Variants in ADCY2 observed in about 807,000 individuals in gnomAD.
The protein encoded by ADCY2 is adenylate cyclase 2.
A neutral mutation model predicts 125.2 loss-of-function variants in ADCY2; 31 were observed. The ratio of observed to expected loss-of-function variants is 0.25; its 90% CI spans 0.19 to 0.33. The LOEUF is 0.33. Ranked by LOEUF, ADCY2 falls within the 10% of genes least tolerant of loss-of-function variation. ADCY2 has a pLI of 1.00. For synonymous variants in ADCY2, 512 were observed against 548.4 expected (o/e 0.93, Z 0.93); for missense variants, 904 against 1,418.2 (o/e 0.64, Z 5.82).
intron 20 of ADCY2, among the ~76,000 whole-genome samples, chr5:7,791,115 G>A (rs1744237387): frequency 6.6e-6 from 1 of 152,090 alleles, no homozygotes; most frequent in South Asian, 2.1e-4. Flanking sequence ...GCAGTTGTGA[G>A]GGAGGCCACC....
chr5:7,809,805 T>C (rs1744876571), intron 22 of ADCY2, among the ~76,000 whole-genome samples: 2 of 152,230 alleles, frequency 1.3e-5, no homozygotes, highest in African/African-American at 4.8e-5. Context: ...TTAAATGAAA[T>C]GATCCATTCT....
At chr5:7,641,363 A>T (rs546143491) in intron 4 of ADCY2, among the ~76,000 whole-genome samples, 1 of 152,308 alleles carries the variant, frequency 6.6e-6, no homozygotes, top group Non-Finnish European at 1.5e-5. Context: ...AAACACAGAG[A>T]TTCCCAAGCA....
chr5:7,825,608 T>C (rs1745451210), intron 24 of ADCY2, among the ~76,000 whole-genome samples: 1 of 152,226 alleles, frequency 6.6e-6, no homozygotes, highest in South Asian at 2.1e-4. Context: ...TTACCAGGGC[T>C]TTCTGTCTGC....
chr5:7,677,665 G>A (rs184174801), intron 4 of ADCY2, among the ~76,000 whole-genome samples: 4 of 152,206 alleles, frequency 2.6e-5, no homozygotes, highest in Non-Finnish European at 4.4e-5. Context: ...GGGCCAGCTT[G>A]TAGGGTCAGC....
At chr5:7,589,494 GAA>G (rs1199372927) in intron 3 of ADCY2, among the ~76,000 whole-genome samples, 1 of 58,234 alleles carries the variant, frequency 1.7e-5, no homozygotes, top group Non-Finnish European at 4.3e-5. Flanking sequence ...AAGAAAGAAA[GAA>G]AGAAAGAAAG....
At chr5:7,698,142 C>A in intron 6 of ADCY2, 105 bp from the exon 7 acceptor site, 3 of 1,399,116 alleles carry the variant, frequency 2.1e-6, no homozygotes, top group Non-Finnish European at 3.0e-6. Context: ...TCTCCAGATG[C>A]CCCTGGAATG....
chr5:7,456,657 T>C (rs967664886), intron 2 of ADCY2, among the ~76,000 whole-genome samples: 2 of 152,220 alleles, frequency 1.3e-5, no homozygotes, highest in Non-Finnish European at 2.9e-5. Context: ...TTCTTTACAC[T>C]GTTTTAAAAA....
intron 4 of ADCY2, among the ~76,000 whole-genome samples, chr5:7,680,977 G>A (rs1174449849): frequency 6.6e-6 from 1 of 152,206 alleles, no homozygotes; most frequent in Non-Finnish European, 1.5e-5. Flanking sequence ...CATAGGTACA[G>A]AAATAGGATA....
intron 1 of ADCY2, among the ~76,000 whole-genome samples, chr5:7,399,034 G>T (rs1468445515): frequency 6.6e-6 from 1 of 152,224 alleles, no homozygotes; most frequent in Non-Finnish European, 1.5e-5. Flanking sequence ...GCTTCAGAGA[G>T]GTCTACCTTG....
intron 14 of ADCY2, among the ~76,000 whole-genome samples, chr5:7,738,409 T>C (rs1742309080): frequency 6.6e-6 from 1 of 151,720 alleles, no homozygotes; most frequent in Non-Finnish European, 1.5e-5. Context: ...AAAATAATAA[T>C]GGAAGAACAG....
At chr5:7,726,775 G>A (rs912477044) in intron 13 of ADCY2, among the ~76,000 whole-genome samples, 4 of 152,164 alleles carry the variant, frequency 2.6e-5, no homozygotes, top group African/African-American at 9.7e-5. Context: ...AAGTAAGATA[G>A]TATATGAGAA....
At chr5:7,807,497 G>A (rs188689965) in intron 22 of ADCY2, among the ~76,000 whole-genome samples, 30 of 152,274 alleles carry the variant, frequency 2.0e-4, no homozygotes, top group African/African-American at 6.0e-4. Context: ...GCCTTTGCCT[G>A]GTAATCCTCC....
At chr5:7,595,971 G>A (rs1203910626) in intron 3 of ADCY2, among the ~76,000 whole-genome samples, 1 of 152,060 alleles carries the variant, frequency 6.6e-6, no homozygotes, top group East Asian at 1.9e-4. Flanking sequence ...GATATGGAGG[G>A]CTGACTATAG....
intron 15 of ADCY2, among the ~76,000 whole-genome samples, chr5:7,756,880 G>A (rs570344072): frequency 2.6e-5 from 4 of 152,152 alleles, no homozygotes; most frequent in African/African-American, 7.2e-5. Flanking sequence ...GAGCTTCTCC[G>A]TGTGGGAGAA....
intron 2 of ADCY2, among the ~76,000 whole-genome samples, chr5:7,463,927 C>T (rs1012933690): frequency 6.6e-6 from 1 of 152,166 alleles, no homozygotes; most frequent in African/African-American, 2.4e-5. Flanking sequence ...GTCCTATGTT[C>T]TCCATTTTGG....
intron 3 of ADCY2, among the ~76,000 whole-genome samples, chr5:7,532,040 T>A (rs1342452289): frequency 6.6e-6 from 1 of 152,234 alleles, no homozygotes; most frequent in East Asian, 1.9e-4. Flanking sequence ...GTACAACATA[T>A]GAAGATAGCT....
intron 3 of ADCY2, among the ~76,000 whole-genome samples, chr5:7,551,723 T>C (rs1735348819): frequency 6.6e-6 from 1 of 152,154 alleles, no homozygotes; most frequent in Non-Finnish European, 1.5e-5. Context: ...AATGGCAGAT[T>C]GTATTTTTGT....
chr5:7,545,711 C>T (rs752027620), intron 3 of ADCY2, among the ~76,000 whole-genome samples: 1 of 152,198 alleles, frequency 6.6e-6, no homozygotes, highest in Non-Finnish European at 1.5e-5. Context: ...GTCATTCTGA[C>T]AGTGACATGG....
At chr5:7,721,941 A>G (rs1352047784) in intron 12 of ADCY2, among the ~76,000 whole-genome samples, 6 of 152,268 alleles carry the variant, frequency 3.9e-5, no homozygotes, top group African/African-American at 1.4e-4. Flanking sequence ...ATGTTGAGAT[A>G]TCTGTGTTCT....
Sources: gnomAD v4.1 joint callset for allele counts (sites outside exome capture counted in the v4.1 genomes callset) on GRCh38, gnomAD v4.1.1 for gene constraint, MANE v1.5 for transcripts, NCBI Gene and HGNC (gene_info 2026-07-23, HGNC 2026-07-21) for gene names.